WDR3: variants seen among roughly 807,000 people sequenced by gnomAD.
WDR3 encodes the protein WD repeat-containing protein 3.
Under a neutral mutation model 123.7 loss-of-function variants are expected in WDR3, and 81 were observed. That is an observed-to-expected ratio of 0.65 (90% CI 0.55 to 0.79). The LOEUF (loss-of-function observed/expected upper bound fraction) is 0.79, where lower values mean the gene tolerates loss of function less well. Among genes scored for constraint, WDR3 ranks in the 30% least tolerant of loss-of-function variants. WDR3 has a pLI of 0.00. For missense variants in WDR3, 1,027 were observed against 1,123.2 expected (o/e 0.91, Z 1.22); for synonymous variants, 390 against 388.8 (o/e 1.00, Z -0.04).
rs769101618 is a variant in WDR3, at chr1:117,942,470, T to C, written c.1023T>C (p.Pro341=). ...LHSSKGEEED[P]EVNVEMSLQD... is the part of the protein sequence containing the mutation. ...CTAGCAAAGGAGAGGAGGAAGATCC[T>C]GAGGTTAATGTTGAAATGAGTCTGC... Residue 341 remains proline, a synonymous_variant, in exon 10 of 27, where the codon CCT becomes CCC. Coordinates refer to ENST00000349139, the MANE Select transcript of WDR3 (RefSeq NM_006784.3). 33 of 1,613,804 alleles carry C rather than the reference T, an allele frequency of 2.0e-5. No individual in the cohort carries two copies. The highest frequency in any genetic ancestry group is 2.7e-5 in the African/African-American group (2 of 74,930).
rs1653335315 is a variant in WDR3, at chr1:117,963,190, C to A, written c.*3743C>A. The stretch of plus-strand genomic sequence containing the variant: ...AGTGTTGCCCTTGTGTATCCCTTCC[C>A]CTTGAGTATGGGGTCGGACCTAGTG... On this transcript the variant is annotated 3_prime_UTR_variant, in exon 27 of 27. Transcript: ENST00000349139. 1 of 152,128 alleles carries A rather than the reference C, an allele frequency of 6.6e-6. No individual in the cohort carries two copies. The highest frequency in any genetic ancestry group is 6.5e-5 in the Admixed American group (1 of 15,268). 9.4% of individuals were successfully genotyped at this position (152,128 alleles called of 1,614,324 possible).
At position 117,954,640 on chromosome 1, in the gene WDR3, T is replaced by G. The variant is rs1651898319; in HGVS notation, c.2409+13T>G. 6.2e-7 allele frequency: 1 copy of G among 1,610,562 alleles called. No individual in the cohort carries two copies. Among genetic ancestry groups the G allele is most frequent in the Non-Finnish European group, 8.5e-7 (1 of 1,178,466 alleles). On this transcript the variant is annotated intron_variant, in intron 23 of 26. Coordinates refer to ENST00000349139, the MANE Select transcript of WDR3 (RefSeq NM_006784.3). ...TGGCAGTATCTCAGTGAGTAAAATGTCTAACGGTTTTCCTTTGTTTATTAA... is the reference window on the plus strand; with the variant it reads ...TGGCAGTATCTCAGTGAGTAAAATGGCTAACGGTTTTCCTTTGTTTATTAA...
At chr1:117,934,357 A>G in intron 2 of WDR3, 116 bp from the exon 3 acceptor site, 1 of 940,834 alleles carries the variant, frequency 1.1e-6, no homozygotes, top group Admixed American at 2.7e-5. Context: ...TTTTATTCAT[A>G]AGAGTAATTT....
At chr1:117,949,689 A>G (rs891053506) in intron 13 of WDR3, 62 bp from the exon 14 acceptor site, 7 of 1,547,388 alleles carry the variant, frequency 4.5e-6, no homozygotes, top group Non-Finnish European at 6.2e-6. Flanking sequence ...TTTAAAATGT[A>G]TCTTCATAGC....
chr1:117,959,599 G>A lies in WDR3; in HGVS notation c.*152G>A. Reference sequence around the variant, plus strand: ...GGATGTGGTTTCCAGCTTTGCCTGAGGGAATTCCAACATGAGATTATGGGC... The same window carrying A: ...GGATGTGGTTTCCAGCTTTGCCTGAAGGAATTCCAACATGAGATTATGGGC... On this transcript the variant is annotated 3_prime_UTR_variant, in exon 27 of 27. Coordinates refer to ENST00000349139, the MANE Select transcript of WDR3 (RefSeq NM_006784.3). 1.3e-6 allele frequency: 1 copy of A among 781,976 alleles called. No individual in the cohort carries two copies. The highest frequency in any genetic ancestry group is 1.9e-6 in the Non-Finnish European group (1 of 538,946). 48.4% of individuals were successfully genotyped at this position (781,976 alleles called of 1,614,324 possible). A position where few individuals can be genotyped will look rare whatever the true frequency, so the allele number is the denominator to read the frequency against.
chr1:117,936,718 C>T (rs1234774827), intron 3 of WDR3, 51 bp from the exon 4 acceptor site: 1 of 1,387,864 alleles, frequency 7.2e-7, no homozygotes, highest in South Asian at 1.3e-5. Context: ...CAAGTTGGGC[C>T]ATATATGGTA....
Position 117,936,830 on chromosome 1 carries a change from A to C in WDR3, c.443A>C (p.His148Pro). ...AGTGGTCTGTACCGTCTAAAGGGGC[A>C]CAAGGATGCCATCACACAAGCATTG... ...NESGLYRLKG[H>P]KDAITQALFL... is the part of the protein sequence containing the mutation. Residue 148 changes from histidine to proline, a missense_variant, in exon 4 of 27, where the codon CAC becomes CCC. His to Pro is a moderately conservative substitution (Grantham distance 77). Coordinates refer to ENST00000349139, the MANE Select transcript of WDR3 (RefSeq NM_006784.3). The C allele has an allele frequency of 6.2e-7, 1 of 1,613,542 alleles. No individual in the cohort carries two copies. Among genetic ancestry groups the C allele is most frequent in the Non-Finnish European group, 8.5e-7 (1 of 1,179,572 alleles).
intron 21 of WDR3, chr1:117,953,764 C>A: frequency 1.6e-6 from 1 of 609,528 alleles, no homozygotes; most frequent in Non-Finnish European, 2.9e-6. Context: ...TGGGACCTGC[C>A]CTATTCAGAG....
intron 11 of WDR3, among the ~76,000 whole-genome samples, chr1:117,945,807 A>C (rs1651360469): frequency 6.6e-6 from 1 of 152,214 alleles, no homozygotes; most frequent in South Asian, 2.1e-4. Flanking sequence ...ACTTCTTGGT[A>C]ATGGCAGATT....
At chr1:117,953,077 T>A (rs775268679) in intron 20 of WDR3, 81 bp downstream of exon 20, 26 of 1,484,132 alleles carry the variant, frequency 1.8e-5, no homozygotes, top group African/African-American at 2.8e-5. Flanking sequence ...CCAGAATTTC[T>A]AATAGAATTA....
chr1:117,942,281 C>T (rs573107103), intron 9 of WDR3, among the ~76,000 whole-genome samples, 156 bp from the exon 10 acceptor site: 1 of 152,278 alleles, frequency 6.6e-6, no homozygotes, highest in Non-Finnish European at 1.5e-5. Context: ...TCCACTTATA[C>T]TACATTGTTT....
chr1:117,939,391 C>T (rs557349351), intron 5 of WDR3, 86 bp from the exon 6 acceptor site: 28 of 1,348,216 alleles, frequency 2.1e-5, no homozygotes, highest in South Asian at 8.4e-5. Context: ...CATTTTACTA[C>T]GGTGTAACAG....
At chr1:117,951,181 G>T (rs1370324323) in intron 16 of WDR3, among the ~76,000 whole-genome samples, 1 of 151,722 alleles carries the variant, frequency 6.6e-6, no homozygotes, top group Non-Finnish European at 1.5e-5. Flanking sequence ...ACTATAATTG[G>T]TAGAGTACAC....
intron 3 of WDR3, among the ~76,000 whole-genome samples, chr1:117,935,235 C>A (rs1453818567): frequency 6.6e-6 from 1 of 152,024 alleles, no homozygotes; most frequent in African/African-American, 2.4e-5. Flanking sequence ...ATTTATATAG[C>A]TAAAGCTATG....
At chr1:117,946,022 C>G (rs1557820801) in intron 11 of WDR3, 64 bp from the exon 12 acceptor site, 2 of 1,308,308 alleles carry the variant, frequency 1.5e-6, no homozygotes, top group Non-Finnish European at 2.1e-6. Context: ...AACCTACACA[C>G]TGACCTCTAA....
At chr1:117,950,689 C>T in intron 15 of WDR3, 145 bp from the exon 16 acceptor site, 2 of 691,546 alleles carry the variant, frequency 2.9e-6, no homozygotes, top group Non-Finnish European at 2.4e-6. Context: ...GGTACTCCTG[C>T]CAAGCTGTCT....
chr1:117,940,051 A>G (rs529808248), intron 6 of WDR3, among the ~76,000 whole-genome samples: 12 of 152,346 alleles, frequency 7.9e-5, no homozygotes, highest in Admixed American at 3.9e-4. Flanking sequence ...TGGGAGTTAC[A>G]TTAGTAGGCT....
In WDR3 at chr1:117,957,175, G is replaced by A. The variant is rs3736795; in HGVS notation, c.2561G>A (p.Arg854Gln). 1.2e-5 allele frequency: 19 copies of A among 1,610,618 alleles called. No homozygotes were observed. In the East Asian group the frequency reaches 1.3e-4, roughly 11 times the overall value. ...QLGSDVELIC[R>Q]CLFFLLRIHF... ...GGCTCTGATGTTGAACTTATATGCC[G>A]GTGCCTCTTCTTCCTCCTTAGGTAA... Residue 854 changes from arginine to glutamine, a missense_variant, in exon 25 of 27, where the codon CGG (arginine) becomes CAG (glutamine). Coordinates refer to ENST00000349139, the MANE Select transcript of WDR3 (RefSeq NM_006784.3).
intron 1 of WDR3, among the ~76,000 whole-genome samples, chr1:117,930,720 G>C (rs1023744172): frequency 1.3e-5 from 2 of 152,216 alleles, no homozygotes; most frequent in African/African-American, 2.4e-5. Context: ...TCCTGTTTCA[G>C]AGTAACAGTC....
Sources: gnomAD v4.1 joint callset for allele counts (sites outside exome capture counted in the v4.1 genomes callset) on GRCh38, gnomAD v4.1.1 for gene constraint, MANE v1.5 for transcripts, NCBI Gene and HGNC (gene_info 2026-07-23, HGNC 2026-07-21) for gene names.